Variants in CLASP2 observed in about 807,000 individuals in gnomAD.
CLASP2 encodes cytoplasmic linker associated protein 2, also known as CLIP-associating protein 2.
CLASP2 carries 47 observed loss-of-function variants against 194.4 expected under a neutral mutation model. The observed-to-expected ratio is 0.24, with a 90% CI of 0.19 to 0.31. CLASP2 has a LOEUF of 0.31. Ranked by LOEUF, CLASP2 falls within the 10% of genes least tolerant of loss-of-function variation. The probability of loss-of-function intolerance (pLI) is 1.00; values close to 1 mark genes in which losing one functional copy is unlikely to be tolerated. For missense variants in CLASP2, 1,445 were observed against 1,823.6 expected, an observed-to-expected ratio of 0.79 and a Z score of 3.78; for synonymous variants, 619 against 633.5, an observed-to-expected ratio of 0.98 and a Z score of 0.34.
In CLASP2 at chr3:33,681,366, G is replaced by A. The variant is rs544207650; in HGVS notation, c.644+2993C>T. 5.3e-5 allele frequency among the ~76,000 whole-genome samples: 8 copies of A among 152,204 alleles called. No individual in the cohort carries two copies. In the East Asian group the frequency reaches 9.7e-4, roughly 18 times the overall value. ...TTATTACCAGCAAATAATTGGTATT[G>A]GCAAACAACTGCTGCTAAGAGAGAC... On this transcript the variant is annotated intron_variant, in intron 6 of 38. Coordinates refer to ENST00000682230, the MANE Select transcript of CLASP2 (RefSeq NM_001365631.1).
intron 7 of CLASP2, among the ~76,000 whole-genome samples, chr3:33,662,927 G>A (rs1051537216): frequency 6.6e-6 from 1 of 152,014 alleles, no homozygotes. Context: ...AGACCTCCCT[G>A]AATTCCAACT....
chr3:33,551,344 G>A lies in CLASP2; in HGVS notation c.3061C>T (p.Pro1021Ser). 1 of 1,613,678 alleles carries A rather than the reference G, an allele frequency of 6.2e-7. No individual in the cohort carries two copies. The highest frequency in any genetic ancestry group is 8.5e-7 in the Non-Finnish European group (1 of 1,179,686). ...YIETLAKQMD[P>S]GDFINSSETR... ...TCACTGGAATTTATAAAATCTCCTGGATCCATCTGTTTGGCCAGAGTTTCT... is the reference window on the plus strand; with the variant it reads ...TCACTGGAATTTATAAAATCTCCTGAATCCATCTGTTTGGCCAGAGTTTCT... The change falls in exon 30 of 39, where the codon CCA becomes TCA. Residue 1021 changes from proline to serine, a missense_variant. Coordinates refer to ENST00000682230, the MANE Select transcript of CLASP2 (RefSeq NM_001365631.1).
chr3:33,654,391 T>C (rs1206280971), intron 7 of CLASP2, among the ~76,000 whole-genome samples: 1 of 152,128 alleles, frequency 6.6e-6, no homozygotes, highest in Non-Finnish European at 1.5e-5. Flanking sequence ...AAAGTTAAAA[T>C]TTAATAGAAG....
At chr3:33,642,034 T>C (rs2081402300) in intron 8 of CLASP2, among the ~76,000 whole-genome samples, 1 of 151,966 alleles carries the variant, frequency 6.6e-6, no homozygotes, top group Non-Finnish European at 1.5e-5. Flanking sequence ...TGAAAGCATG[T>C]TGACAAATAA....
intron 1 of CLASP2, among the ~76,000 whole-genome samples, chr3:33,711,762 A>G (rs1228501263): frequency 6.6e-6 from 1 of 152,214 alleles, no homozygotes; most frequent in Non-Finnish European, 1.5e-5. Context: ...TGGCCAACAA[A>G]CATATGAAAA....
chr3:33,642,739 T>C (rs550433226), intron 8 of CLASP2, among the ~76,000 whole-genome samples: 2 of 152,010 alleles, frequency 1.3e-5, no homozygotes, highest in South Asian at 4.1e-4. Flanking sequence ...TTCAAAGGAC[T>C]GACAGTCAAG....
chr3:33,638,845 TATA>T (rs1239172610), intron 8 of CLASP2, among the ~76,000 whole-genome samples: 5 of 152,212 alleles, frequency 3.3e-5, no homozygotes, highest in Non-Finnish European at 5.9e-5. Context: ...ATGTGAGATC[TATA>T]ATAATAACAT....
intron 18 of CLASP2, among the ~76,000 whole-genome samples, chr3:33,601,955 T>C (rs954053880): frequency 6.6e-6 from 1 of 152,088 alleles, no homozygotes; most frequent in African/African-American, 2.4e-5. Flanking sequence ...TGTGCATTCA[T>C]ACTTAAATGA....
At position 33,498,640 on chromosome 3, in the gene CLASP2, T is replaced by A. The variant is rs757198152; in HGVS notation, c.4512A>T (p.Gly1504=). Residue 1504 remains glycine, a synonymous_variant, in exon 39 of 39, where the codon GGA becomes GGT. Coordinates refer to ENST00000682230, the MANE Select transcript of CLASP2 (RefSeq NM_001365631.1). ...GCTGTGATGAGCTTCACTAACTTTG[T>A]CCAGAAACATCAGTAGTGGGATCAG... The part of the protein sequence containing the change: ...GGADPTTDVS[G]QS The A allele has an allele frequency of 3.7e-6, 6 of 1,609,220 alleles. No individual in the cohort carries two copies. In the South Asian group the frequency reaches 6.6e-5, roughly 18 times the overall value.
chr3:33,650,965 T>A (rs1575269100), intron 7 of CLASP2, among the ~76,000 whole-genome samples: 1 of 152,326 alleles, frequency 6.6e-6, no homozygotes, highest in East Asian at 1.9e-4. Context: ...CAACTTTTGT[T>A]TTGTCTTTTA....
chr3:33,582,096 T>A (rs1272020430), intron 22 of CLASP2, among the ~76,000 whole-genome samples, 168 bp from the exon 23 acceptor site: 2 of 152,228 alleles, frequency 1.3e-5, no homozygotes, highest in African/African-American at 4.8e-5. Flanking sequence ...TACAGTTAAA[T>A]TCTTAAATAT....
intron 1 of CLASP2, among the ~76,000 whole-genome samples, chr3:33,716,136 A>G (rs1165261705): frequency 6.6e-6 from 1 of 152,220 alleles, no homozygotes; most frequent in African/African-American, 2.4e-5. Flanking sequence ...GGAAAAAGGA[A>G]GATTATATGG....
intron 23 of CLASP2, among the ~76,000 whole-genome samples, chr3:33,579,992 G>A (rs1170600047): frequency 6.6e-6 from 1 of 152,160 alleles, no homozygotes; most frequent in African/African-American, 2.4e-5. Flanking sequence ...CACACATACA[G>A]ACATTCTGCA....
In CLASP2 at chr3:33,496,411, A is replaced by G. The variant is rs1439701259; in HGVS notation, c.*2220T>C. 1 of 152,200 alleles carries G rather than the reference A, an allele frequency of 6.6e-6. No homozygotes were observed. The highest frequency in any genetic ancestry group is 1.9e-4 in the East Asian group (1 of 5,200). 9.4% of individuals were successfully genotyped at this position (152,200 alleles called of 1,614,324 possible). A position where few individuals can be genotyped will look rare whatever the true frequency, so the allele number is the denominator to read the frequency against. On this transcript the variant is annotated 3_prime_UTR_variant, in exon 39 of 39. Transcript: ENST00000682230. ...ACATCTCAGTATGTTTCTGGAATGA[A>G]CAAATTAAGGGTGTATTGTATATAG...
chr3:33,517,146 A>C lies in CLASP2; in HGVS notation c.3816T>G (p.Val1272=), dbSNP rs1268766833. The change falls in exon 35 of 39, where the codon GTT becomes GTG. Residue 1272 remains valine (V), a synonymous_variant. Transcript: ENST00000682230. ...TAGACAGCTCCTTCAACAACTCTGC[A>C]ACTAGGTCAGAATGATCTAGGGAAA... ...DDLSLDHSDL[V]AELLKELSNH... 9.3e-6 allele frequency: 15 copies of C among 1,613,026 alleles called. No homozygotes were observed. In the East Asian group the frequency reaches 3.3e-4, roughly 36 times the overall value.
At chr3:33,593,881 T>C (rs1048653275) in intron 20 of CLASP2, among the ~76,000 whole-genome samples, 2 of 152,200 alleles carry the variant, frequency 1.3e-5, no homozygotes, top group Non-Finnish European at 2.9e-5. Flanking sequence ...TCTTGTTCTG[T>C]TGCCCAGGCT....
chr3:33,603,439 G>T (rs1043009687), intron 17 of CLASP2, among the ~76,000 whole-genome samples: 6 of 152,118 alleles, frequency 3.9e-5, no homozygotes, highest in Non-Finnish European at 7.4e-5. Flanking sequence ...ACTGATTTGT[G>T]CAAAGGAAGC....
chr3:33,507,119 T>C (rs2048475496), intron 37 of CLASP2, among the ~76,000 whole-genome samples: 1 of 152,116 alleles, frequency 6.6e-6, no homozygotes, highest in Non-Finnish European at 1.5e-5. Context: ...TTTGTATTTT[T>C]ACTAGAGACG....
intron 1 of CLASP2, among the ~76,000 whole-genome samples, chr3:33,717,521 G>C (rs1372482704): frequency 6.6e-6 from 1 of 152,096 alleles, no homozygotes; most frequent in African/African-American, 2.4e-5. Context: ...CTGCCTGCTA[G>C]ATTCAAGCGA....
Sources: allele counts gnomAD v4.1 joint callset (sites outside exome capture counted in the v4.1 genomes callset), GRCh38; gene constraint gnomAD v4.1.1; transcripts MANE v1.5; gene names NCBI Gene and HGNC (gene_info 2026-07-23, HGNC 2026-07-21).